The following ZC3H12B variants were observed in gnomAD, a reference collection of about 807,000 sequenced individuals.
ZC3H12B encodes the protein zinc finger CCCH-type containing 12B, also known as probable ribonuclease ZC3H12B.
Under a neutral mutation model 43.9 loss-of-function variants are expected in ZC3H12B, and 7 were observed. The observed-to-expected ratio is 0.16, with a 90% confidence interval of 0.09 to 0.30. ZC3H12B has a LOEUF of 0.30. Among genes scored for constraint, ZC3H12B ranks in the 10% least tolerant of loss-of-function variants. The pLI is 1.00. For synonymous variants in ZC3H12B, 222 were observed against 241.7 expected, an observed-to-expected ratio of 0.92 and a Z score of 0.76; for missense variants, 475 against 670.2, an observed-to-expected ratio of 0.71 and a Z score of 3.22.
At chrX:65,343,834 G>T in the ZC3H12B span, among the ~76,000 whole-genome samples, 1 of 111,287 alleles carries the variant, frequency 9.0e-6, no homozygotes, top group Non-Finnish European at 1.9e-5. Flanking sequence ...GATCCATAAG[G>T]CAAGAGAAAG....
At chrX:65,341,700 C>A in the ZC3H12B span, among the ~76,000 whole-genome samples, 1 of 110,528 alleles carries the variant, frequency 9.0e-6, no homozygotes, top group Non-Finnish European at 1.9e-5. Flanking sequence ...TACAACAACT[C>A]CTGAAAAAAG....
chrX:65,143,698 G>T, the ZC3H12B span, among the ~76,000 whole-genome samples: 1 of 108,538 alleles, frequency 9.2e-6, no homozygotes, highest in African/African-American at 3.4e-5. Context: ...GAATAGCTGG[G>T]ACTAGAGGTG....
intron 3 of ZC3H12B, among the ~76,000 whole-genome samples, chrX:65,459,020 A>C (rs754241304): frequency 0.58 from 2,142 of 3,703 alleles, 66 homozygotes; most frequent in African/African-American, 0.59. Context: ...AAAAATGATA[A>C]TGGGATATCA....
At chrX:65,250,493 A>G in the ZC3H12B span, among the ~76,000 whole-genome samples, 3 of 111,703 alleles carry the variant, frequency 2.7e-5, no homozygotes, top group Non-Finnish European at 5.6e-5. Context: ...CTATTTCTAG[A>G]TCCTTGAGGA....
the ZC3H12B span, among the ~76,000 whole-genome samples, chrX:65,145,589 T>C: frequency 8.9e-6 from 1 of 112,033 alleles, no homozygotes; most frequent in African/African-American, 3.2e-5. Flanking sequence ...TTATAGGTCC[T>C]GTGAGATTTA....
the ZC3H12B span, among the ~76,000 whole-genome samples, chrX:65,263,894 A>G: frequency 9.0e-6 from 1 of 111,660 alleles, no homozygotes; most frequent in African/African-American, 3.2e-5. Flanking sequence ...ACAATTGCAA[A>G]GATATGGAAT....
chrX:65,259,782 A>G, the ZC3H12B span, among the ~76,000 whole-genome samples: 1 of 111,918 alleles, frequency 8.9e-6, no homozygotes, highest in South Asian at 3.6e-4. Context: ...ACGTGTTTAT[A>G]GCAGCACAAT....
At chrX:65,054,203 T>C in the ZC3H12B span, among the ~76,000 whole-genome samples, 1 of 112,055 alleles carries the variant, frequency 8.9e-6, no homozygotes, top group Admixed American at 9.4e-5. Context: ...TCCTGAATGG[T>C]ATTGCCTAGG....
At chrX:65,253,217 C>G in the ZC3H12B span, among the ~76,000 whole-genome samples, 1 of 111,919 alleles carries the variant, frequency 8.9e-6, no homozygotes, top group African/African-American at 3.3e-5. Flanking sequence ...AGAGGGAGAA[C>G]ACAGATGCTG....
At chrX:65,094,954 G>T in the ZC3H12B span, among the ~76,000 whole-genome samples, 1 of 111,853 alleles carries the variant, frequency 8.9e-6, no homozygotes, top group Admixed American at 9.5e-5. Context: ...TAGTTATGCA[G>T]ACTTAGGCAT....
the ZC3H12B span, among the ~76,000 whole-genome samples, chrX:65,254,524 G>A: frequency 2.7e-5 from 3 of 111,845 alleles, no homozygotes; most frequent in Non-Finnish European, 5.6e-5. Context: ...AACCACGAAG[G>A]ACATCAAAGA....
At chrX:65,363,327 T>C (rs924992706), upstream of ZC3H12B, among the ~76,000 whole-genome samples, 5 of 111,271 alleles carry the variant, frequency 4.5e-5, no homozygotes, top group African/African-American at 1.6e-4. Context: ...TAATTCTTCA[T>C]AAAAACACAC....
chrX:65,261,855 A>G, the ZC3H12B span, among the ~76,000 whole-genome samples: 2 of 111,333 alleles, frequency 1.8e-5, no homozygotes, highest in Non-Finnish European at 1.9e-5. Context: ...GTTTGAAAAA[A>G]ACTGAAACAT....
the ZC3H12B span, among the ~76,000 whole-genome samples, chrX:65,342,304 G>A: frequency 2.6e-4 from 29 of 111,199 alleles, no homozygotes; most frequent in African/African-American, 9.1e-4. Context: ...GATCAAATGG[G>A]GCTGATAGAC....
chrX:65,275,440 G>A, the ZC3H12B span, among the ~76,000 whole-genome samples: 1 of 112,957 alleles, frequency 8.9e-6, no homozygotes, highest in Non-Finnish European at 1.9e-5. Context: ...TGTCCCAAGT[G>A]CAGTGAAACA....
At chrX:65,253,321 T>G in the ZC3H12B span, among the ~76,000 whole-genome samples, 1 of 112,134 alleles carries the variant, frequency 8.9e-6, no homozygotes, top group Non-Finnish European at 1.9e-5. Context: ...AAAAAGGAAG[T>G]TGAGCAGACG....
the ZC3H12B span, among the ~76,000 whole-genome samples, chrX:65,309,357 A>G: frequency 1.8e-5 from 2 of 112,171 alleles, no homozygotes; most frequent in Admixed American, 9.4e-5. Flanking sequence ...ATCAGAGAAT[A>G]TTATAAACAC....
chrX:65,053,362 G>T, the ZC3H12B span, among the ~76,000 whole-genome samples: 6 of 110,074 alleles, frequency 5.5e-5, no homozygotes, highest in African/African-American at 1.3e-4. Context: ...GCGGTGTTTG[G>T]TTTTTTTTCC....
At chrX:65,432,655 G>A (rs66682250) in intron 3 of ZC3H12B, among the ~76,000 whole-genome samples, 26,821 of 111,438 alleles carry the variant, frequency 0.24, 7,698 homozygotes, top group African/African-American at 0.83. Context: ...CTAAAATCCA[G>A]ATGAGCCCCC....
Sources: gnomAD v4.1 joint callset for allele counts (sites outside exome capture counted in the v4.1 genomes callset) on GRCh38, gnomAD v4.1.1 for gene constraint, MANE v1.5 for transcripts, NCBI Gene and HGNC (gene_info 2026-07-23, HGNC 2026-07-21) for gene names.